The following GLP1R variants were observed in gnomAD, a reference collection of about 807,000 sequenced individuals.
The protein encoded by GLP1R is glucagon like peptide 1 receptor.
In GLP1R, 32 loss-of-function variants were observed where a neutral mutation model predicts 68.4. The observed-to-expected ratio is 0.47, with a 90% confidence interval of 0.35 to 0.63. The LOEUF is 0.63. Ranked by LOEUF, GLP1R falls within the 20% of genes least tolerant of loss-of-function variation. GLP1R has a pLI of 0.00. For synonymous variants in GLP1R, 263 were observed against 244.4 expected (o/e 1.08, Z -0.71); for missense variants, 502 against 594.9 (o/e 0.84, Z 1.62).
intron 12 of GLP1R, among the ~76,000 whole-genome samples, chr6:39,084,444 G>A (rs1401593978): frequency 1.3e-5 from 2 of 152,136 alleles, no homozygotes; most frequent in African/African-American, 4.8e-5. Context: ...CCTCTCTTTG[G>A]TCTCTGGTTT....
At chr6:39,069,673 C>T (rs1022193936) in intron 5 of GLP1R, among the ~76,000 whole-genome samples, 2 of 151,690 alleles carry the variant, frequency 1.3e-5, no homozygotes, top group African/African-American at 2.4e-5. Context: ...TTCTACATAG[C>T]TCTCATCTTC....
At chr6:39,068,821 G>A (rs77567221) in intron 5 of GLP1R, among the ~76,000 whole-genome samples, 5,241 of 152,294 alleles carry the variant, frequency 0.034, 308 homozygotes, top group African/African-American at 0.12. Context: ...CTGCTCTCAA[G>A]ACCCTGACAT....
At position 39,079,449 on chromosome 6, in the gene GLP1R, G is replaced by T. The variant is rs900903329; in HGVS notation, c.1044-115G>T. ...CTGTCCCAGGGTATTTGGGGTGGGA[G>T]AACATCCATGACCCAGATATCAGGA... is the stretch of plus-strand genomic sequence containing the variant. On this transcript the variant is annotated intron_variant, in intron 10 of 12. Coordinates refer to ENST00000373256, the MANE Select transcript of GLP1R (RefSeq NM_002062.5). This position sits in a 1 kb window ranked among gnomAD's most constrained non-coding sequence, Gnocchi z 4.5. 2 of 1,102,242 alleles carry T rather than the reference G, an allele frequency of 1.8e-6. No individual in the cohort carries two copies. Among genetic ancestry groups the T allele is most frequent in the African/African-American group, 3.2e-5 (2 of 63,390 alleles). 68.3% of individuals were successfully genotyped at this position (1,102,242 alleles called of 1,614,324 possible).
chr6:39,077,392 A>G (rs1440909723), intron 7 of GLP1R, among the ~76,000 whole-genome samples: 1 of 152,246 alleles, frequency 6.6e-6, no homozygotes, highest in Non-Finnish European at 1.5e-5. Flanking sequence ...GGCAGTTGGC[A>G]GGAAGCCGCA....
chr6:39,065,840 GC>G lies in GLP1R; in HGVS notation c.402+12del, dbSNP rs1277306340. ...AAGCGAGGGGAAAGAGTGAGTTGAG[GC>G]GGGGTTCTGAGCCAGGGAGCGGGGA... is the stretch of plus-strand genomic sequence containing the variant. On this transcript the variant is annotated intron_variant, in intron 4 of 12. Transcript: ENST00000373256. The G allele has an allele frequency of 2.6e-6, 4 of 1,527,740 alleles. No homozygotes were observed. The South Asian group carries it at 3.4e-5, about 13-fold the overall frequency. The allele number at this position is 1,527,740 out of a possible 1,614,324, so 94.6% of individuals were successfully genotyped here.
chr6:39,084,195 CCT>C (rs1769087074), intron 12 of GLP1R, among the ~76,000 whole-genome samples: 1 of 152,144 alleles, frequency 6.6e-6, no homozygotes, highest in Non-Finnish European at 1.5e-5. Flanking sequence ...ACACTCTGCA[CCT>C]CAGTTTCCTC....
intron 1 of GLP1R, among the ~76,000 whole-genome samples, chr6:39,054,628 C>A (rs1343665884): frequency 6.6e-6 from 1 of 152,198 alleles, no homozygotes; most frequent in African/African-American, 2.4e-5. Context: ...CCTCCCCCCG[C>A]CTCTGGGAAG....
intron 3 of GLP1R, among the ~76,000 whole-genome samples, chr6:39,064,574 T>C (rs1768446540): frequency 6.6e-6 from 1 of 152,128 alleles, no homozygotes; most frequent in South Asian, 2.1e-4. Flanking sequence ...CCAAGTTCAT[T>C]GGCCCTGGTG....
rs533070567 is a variant in GLP1R at position 39,072,976 on chromosome 6, C to A, written c.624C>A (p.Ala208=). The part of the protein sequence containing the change: ...DAALKWMYST[A]AQQHQWDGLL... ...CCCTGAAGTGGATGTATAGCACAGCCGCCCAGCAGCACCAGTGGGATGGGC... is the reference window on the plus strand; with the variant it reads ...CCCTGAAGTGGATGTATAGCACAGCAGCCCAGCAGCACCAGTGGGATGGGC... The change falls in exon 6 of 13, where the codon GCC becomes GCA. Residue 208 remains alanine, a synonymous_variant. Coordinates refer to ENST00000373256, the MANE Select transcript of GLP1R (RefSeq NM_002062.5). The A allele has an allele frequency of 2.5e-6, 4 of 1,614,118 alleles. No individual in the cohort carries two copies. The East Asian group carries it at 6.7e-5, about 27-fold the overall frequency.
At chr6:39,064,972 C>A (rs759862560) in intron 3 of GLP1R, among the ~76,000 whole-genome samples, 7 of 152,214 alleles carry the variant, frequency 4.6e-5, no homozygotes, top group Non-Finnish European at 1.0e-4. Flanking sequence ...CCATTTCCAA[C>A]CTATAATTAG....
chr6:39,065,844 G>C lies in GLP1R; in HGVS notation c.402+15G>C. 1.3e-6 allele frequency: 2 copies of C among 1,509,008 alleles called. No homozygotes were observed. 93.5% of individuals were successfully genotyped at this position (1,509,008 alleles called of 1,614,324 possible). On this transcript the variant is annotated intron_variant, in intron 4 of 12. Coordinates refer to ENST00000373256, the MANE Select transcript of GLP1R (RefSeq NM_002062.5). ...GAGGGGAAAGAGTGAGTTGAGGCGG[G>C]GTTCTGAGCCAGGGAGCGGGGAGCC...
In GLP1R at chr6:39,090,358, T is replaced by G. The variant is rs968075232; in HGVS notation, c.*4285T>G. Among the ~76,000 whole-genome samples the G allele has an allele frequency of 6.6e-6, 1 of 151,808 alleles. No individual in the cohort carries two copies. Among genetic ancestry groups the G allele is most frequent in the Non-Finnish European group, 1.5e-5 (1 of 67,982 alleles). ...ATCTGAATCTCTCAGAGGAGAGAGT[T>G]TTCTCTCTTCTTTGGCCATTTTAGC... On this transcript the variant is annotated 3_prime_UTR_variant, in exon 13 of 13. Transcript: ENST00000373256.
intron 3 of GLP1R, among the ~76,000 whole-genome samples, chr6:39,059,789 A>G (rs1470300064): frequency 2.0e-5 from 3 of 152,162 alleles, no homozygotes; most frequent in African/African-American, 7.2e-5. Context: ...CCAGGGAGCC[A>G]GGCGTAGGAC....
At chr6:39,064,083 AACC>A (rs1230660121) in intron 3 of GLP1R, among the ~76,000 whole-genome samples, 2 of 149,652 alleles carry the variant, frequency 1.3e-5, no homozygotes, top group Non-Finnish European at 3.0e-5. Flanking sequence ...AACTCACTAC[AACC>A]TCCTCCTCCC....
At chr6:39,072,035 T>C (rs1396250656) in intron 5 of GLP1R, among the ~76,000 whole-genome samples, 1 of 152,250 alleles carries the variant, frequency 6.6e-6, no homozygotes. Flanking sequence ...GAATTATTTC[T>C]AAACATTTAC....
intron 3 of GLP1R, among the ~76,000 whole-genome samples, chr6:39,060,124 G>T (rs1223685614): frequency 2.6e-5 from 4 of 152,204 alleles, no homozygotes; most frequent in Non-Finnish European, 5.9e-5. Flanking sequence ...CTGCGTAATT[G>T]CTGCCTCTGG....
chr6:39,076,013 T>G (rs1396775960), intron 7 of GLP1R, among the ~76,000 whole-genome samples: 2 of 152,224 alleles, frequency 1.3e-5, no homozygotes, highest in Non-Finnish European at 2.9e-5. Context: ...TGCGTAATGT[T>G]TGCATGCAGC....
At chr6:39,058,353 G>T (rs374786626) in intron 3 of GLP1R, among the ~76,000 whole-genome samples, 1 of 152,056 alleles carries the variant, frequency 6.6e-6, no homozygotes. Flanking sequence ...GTGGGGTGAC[G>T]AACCCCACCA....
intron 1 of GLP1R, among the ~76,000 whole-genome samples, chr6:39,052,116 C>T (rs549898985): frequency 4.6e-5 from 7 of 151,302 alleles, no homozygotes; most frequent in South Asian, 2.1e-4. Flanking sequence ...TGCTTGGGGG[C>T]GTGTGTGATG....
Sources: allele counts gnomAD v4.1 joint callset (sites outside exome capture counted in the v4.1 genomes callset), GRCh38; gene constraint gnomAD v4.1.1; non-coding constraint Gnocchi (gnomAD v3.1); transcripts MANE v1.5; gene names NCBI Gene and HGNC (gene_info 2026-07-23, HGNC 2026-07-21).